Variants in DNAH7 observed in about 807,000 individuals in gnomAD.
DNAH7 encodes the protein axonemal beta dynein heavy chain 7.
Under a neutral mutation model 444.6 loss-of-function variants are expected in DNAH7, and 397 were observed. The ratio of observed to expected loss-of-function variants is 0.89; its 90% CI spans 0.82 to 0.97. The LOEUF (loss-of-function observed/expected upper bound fraction) is 0.97. Ranked by LOEUF, DNAH7 falls within the 50% of genes least tolerant of loss-of-function variation. The pLI, the probability that DNAH7 is intolerant of heterozygous loss-of-function variation, is 0.00. For synonymous variants in DNAH7, 1,636 were observed against 1,624.4 expected (o/e 1.01, Z -0.17); for missense variants, 4,902 against 4,800.8 (o/e 1.02, Z -0.62).
At chr2:196,013,996 T>C (rs1694865460) in intron 9 of DNAH7, among the ~76,000 whole-genome samples, 1 of 152,200 alleles carries the variant, frequency 6.6e-6, no homozygotes, top group Non-Finnish European at 1.5e-5. Context: ...TTTCTTCGTA[T>C]TCGATTTGAA....
intron 46 of DNAH7, among the ~76,000 whole-genome samples, chr2:195,851,872 G>T (rs904794504): frequency 2.0e-5 from 3 of 152,222 alleles, no homozygotes; most frequent in African/African-American, 7.2e-5. Flanking sequence ...CAATGTAGGA[G>T]AGTAGGAAGA....
At chr2:196,053,063 A>G (rs1405359782) in intron 2 of DNAH7, among the ~76,000 whole-genome samples, 1 of 152,256 alleles carries the variant, frequency 6.6e-6, no homozygotes, top group Non-Finnish European at 1.5e-5. Context: ...GAACAGATCT[A>G]TAACATAATC....
chr2:196,063,897 GCAGC>G (rs899692320), intron 1 of DNAH7: 1 of 152,180 alleles, frequency 6.6e-6, no homozygotes, highest in African/African-American at 2.4e-5. Flanking sequence ...GCTGCAGCCA[GCAGC>G]CAGAGGACTG....
chr2:195,984,562 T>G (rs1346297779), intron 15 of DNAH7, 70 bp downstream of exon 15: 1 of 1,421,826 alleles, frequency 7.0e-7, no homozygotes, highest in East Asian at 2.3e-5. Context: ...TCGAGTGATT[T>G]GTTACTCCGC....
intron 24 of DNAH7, among the ~76,000 whole-genome samples, chr2:195,918,297 T>G (rs1473016983): frequency 6.6e-6 from 1 of 152,190 alleles, no homozygotes; most frequent in African/African-American, 2.4e-5. Flanking sequence ...AGATAGGAAC[T>G]CTCATTCACT....
chr2:195,780,713 T>C (rs946314044), intron 58 of DNAH7, among the ~76,000 whole-genome samples: 2 of 152,066 alleles, frequency 1.3e-5, no homozygotes, highest in African/African-American at 4.8e-5. Context: ...ATCGTGCCAC[T>C]GCACTCCAGC....
chr2:195,767,605 T>C (rs989929411), intron 61 of DNAH7, among the ~76,000 whole-genome samples: 1 of 152,016 alleles, frequency 6.6e-6, no homozygotes, highest in Non-Finnish European at 1.5e-5. Flanking sequence ...TTCACTTCTT[T>C]TCAATCTTTC....
intron 9 of DNAH7, among the ~76,000 whole-genome samples, chr2:196,013,894 C>T (rs1519608): frequency 0.24 from 35,735 of 152,058 alleles, 7,330 homozygotes; most frequent in African/African-American, 0.55. Flanking sequence ...CAGATGCATG[C>T]GGTGTGAGAT....
chr2:195,832,354 T>C (rs1698116751), intron 48 of DNAH7, among the ~76,000 whole-genome samples: 1 of 152,222 alleles, frequency 6.6e-6, no homozygotes, highest in African/African-American at 2.4e-5. Flanking sequence ...TCTTTTACTA[T>C]GTCAAGGAAA....
chr2:195,900,982 T>C (rs1171840449), intron 27 of DNAH7: 1 of 152,144 alleles, frequency 6.6e-6, no homozygotes, highest in South Asian at 2.1e-4. Context: ...AATAAAGAGG[T>C]TAGGGAATTA....
chr2:195,798,480 C>T (rs1472448074), intron 55 of DNAH7, among the ~76,000 whole-genome samples: 1 of 150,096 alleles, frequency 6.7e-6, no homozygotes, highest in East Asian at 2.0e-4. Context: ...GATGTAAGAA[C>T]ATTTGTACTG....
At position 195,759,811 on chromosome 2, in the gene DNAH7, C is replaced by A. The variant is rs911473873; in HGVS notation, c.11434-3526G>T. On this transcript the variant is annotated intron_variant, in intron 61 of 64. Transcript: ENST00000312428. ...AGGCTGCAGTGAGCCAAGATTGTGC[C>A]GCTGCACTCCAGCCTGGTTGACAAA... is the stretch of plus-strand genomic sequence containing the variant. 2.6e-5 allele frequency among the ~76,000 whole-genome samples: 4 copies of A among 151,980 alleles called. No homozygotes were observed. The South Asian group carries it at 6.2e-4, about 24-fold the overall frequency.
chr2:196,044,230 C>G (rs1696958352), intron 5 of DNAH7, among the ~76,000 whole-genome samples: 1 of 134,394 alleles, frequency 7.4e-6, no homozygotes, highest in South Asian at 2.3e-4. Flanking sequence ...TGTGTGTATA[C>G]ATACACACAC....
In DNAH7 at chr2:195,777,946, A is replaced by G. The variant is rs1695139736; in HGVS notation, c.10918T>C (p.Cys3640Arg). 1.2e-6 allele frequency: 2 copies of G among 1,614,148 alleles called. No homozygotes were observed. Among genetic ancestry groups the G allele is most frequent in the Non-Finnish European group, 1.7e-6 (2 of 1,179,982 alleles). Residue 3640 changes from cysteine to arginine, a missense_variant, in exon 59 of 65, where the codon TGC (cysteine) becomes CGC (arginine). Cys to Arg is a radical substitution (Grantham distance 180). Transcript: ENST00000312428. ...TCGGTCACTCTGCCTCCGTAATTGCATTCGCCAGTCATGTACCGCAGAGCC... is the reference window on the plus strand; with the variant it reads ...TCGGTCACTCTGCCTCCGTAATTGCGTTCGCCAGTCATGTACCGCAGAGCC... ...YEALRYMTGE[C>R]NYGGRVTDDW...
At chr2:195,807,230 C>T (rs1173443983) in intron 53 of DNAH7, among the ~76,000 whole-genome samples, 1 of 151,478 alleles carries the variant, frequency 6.6e-6, no homozygotes, top group East Asian at 1.9e-4. Flanking sequence ...GATCTTGGCT[C>T]ACTGCAACCT....
intron 54 of DNAH7, among the ~76,000 whole-genome samples, chr2:195,801,927 T>G (rs1461578020): frequency 6.6e-6 from 1 of 152,160 alleles, no homozygotes; most frequent in Non-Finnish European, 1.5e-5. Context: ...CATTCAAATA[T>G]GGAAAATGTA....
intron 56 of DNAH7, 50 bp from the exon 57 acceptor site, chr2:195,794,588 A>G (rs781157025): frequency 1.3e-6 from 2 of 1,560,568 alleles, no homozygotes; most frequent in South Asian, 2.2e-5. Flanking sequence ...CCCAAAGAAA[A>G]TCTCAAAAGC....
At chr2:195,791,820 C>A (rs1465460332) in intron 57 of DNAH7, among the ~76,000 whole-genome samples, 1 of 152,146 alleles carries the variant, frequency 6.6e-6, no homozygotes, top group African/African-American at 2.4e-5. Context: ...CCAAATACTG[C>A]ATCTTCTCAC....
intron 57 of DNAH7, among the ~76,000 whole-genome samples, chr2:195,792,827 G>C (rs1415693193): frequency 6.6e-6 from 1 of 152,086 alleles, no homozygotes; most frequent in African/African-American, 2.4e-5. Context: ...AAGGGGGAGA[G>C]AGAGAGAGAG....
Sources: allele counts gnomAD v4.1 joint callset (sites outside exome capture counted in the v4.1 genomes callset), GRCh38; gene constraint gnomAD v4.1.1; transcripts MANE v1.5; gene names NCBI Gene and HGNC (gene_info 2026-07-23, HGNC 2026-07-21).